The following XKR6 variants were observed in gnomAD, a reference collection of about 807,000 sequenced individuals.
XKR6 encodes the protein XK-related protein 6.
Under a neutral mutation model 56.7 loss-of-function variants are expected in XKR6, and 22 were observed. The ratio of observed to expected loss-of-function variants is 0.39; its 90% CI spans 0.28 to 0.55. The LOEUF (loss-of-function observed/expected upper bound fraction) is 0.55, where lower values mean the gene tolerates loss of function less well. Ranked by LOEUF, XKR6 falls within the 20% of genes least tolerant of loss-of-function variation. The pLI is 0.66. For missense variants in XKR6, 852 were observed against 889.0 expected (o/e 0.96, Z 0.53); for synonymous variants, 524 against 387.8 (o/e 1.35, Z -4.13).
chr8:11,115,549 CTAACAT>C (rs1460095998), intron 1 of XKR6, among the ~76,000 whole-genome samples: 2 of 152,218 alleles, frequency 1.3e-5, no homozygotes, highest in African/African-American at 4.8e-5. Context: ...ATAGTCTACA[CTAACAT>C]TATCGTTCAA....
In XKR6 at chr8:11,123,681, T is replaced by A. The variant is rs368390460; in HGVS notation, c.764+76895A>T. 3.7e-4 allele frequency: 134 copies of A among 359,478 alleles called. 2 individuals are homozygous for A. The highest frequency in any genetic ancestry group is 2.6e-3 in the African/African-American group (122 of 46,892). The allele number at this position is 359,478 out of a possible 1,614,324, so 22.3% of individuals were successfully genotyped here. On this transcript the variant is annotated intron_variant, in intron 1 of 2. Transcript: ENST00000416569. ...CAAATATATCTTTATGTATATATACTTGTCTATATTTCATATTTTTCAAGA... is the reference window on the plus strand; with the variant it reads ...CAAATATATCTTTATGTATATATACATGTCTATATTTCATATTTTTCAAGA...
chr8:10,898,563 G>A lies in XKR6; in HGVS notation c.1315C>T (p.Arg439Ter), dbSNP rs1799952173. 2.5e-6 allele frequency: 4 copies of A among 1,613,926 alleles called. No individual in the cohort carries two copies. Among genetic ancestry groups the A allele is most frequent in the Non-Finnish European group, 3.4e-6 (4 of 1,180,004 alleles). ...GTATAATATGCAAACATTCGATATCGAGTCCGCCCTTCCTTGACGTTAAAC... is the reference window on the plus strand; with the variant it reads ...GTATAATATGCAAACATTCGATATCAAGTCCGCCCTTCCTTGACGTTAAAC... ...CWFNVKEGRT[R>*]YRMFAYYTIV... is the part of the protein sequence containing the mutation. Residue 439 changes from arginine (R) to a stop codon, truncating the protein, a stop_gained, in exon 3 of 3, where the codon CGA becomes TGA. Transcript: ENST00000416569. LOFTEE classifies it high-confidence loss of function. This position sits in a 1 kb window ranked among gnomAD's most constrained non-coding sequence, Gnocchi z 6.6.
intron 1 of XKR6, among the ~76,000 whole-genome samples, chr8:10,992,262 CTG>C (rs1798010148): frequency 6.8e-6 from 1 of 147,702 alleles, no homozygotes; most frequent in African/African-American, 2.7e-5. Context: ...CTCTCTCTCT[CTG>C]TCTCTCTGTC....
In XKR6 at chr8:10,899,246, T is replaced by A. The variant is rs1223451366; in HGVS notation, c.962-330A>T. Reference sequence around the variant, plus strand: ...CCTTTGTGGGTTCCGCCTTAAGGAATCATGCGATTCTTGTGGCACACAGAT... The same window carrying A: ...CCTTTGTGGGTTCCGCCTTAAGGAAACATGCGATTCTTGTGGCACACAGAT... On this transcript the variant is annotated intron_variant, in intron 2 of 2. Transcript: ENST00000416569. Among the ~76,000 whole-genome samples, 4 of 152,192 alleles carry A rather than the reference T, an allele frequency of 2.6e-5. No individual in the cohort carries two copies. The East Asian group carries it at 7.7e-4, about 29-fold the overall frequency.
chr8:11,086,149 T>TATATATATATATATATATATA (rs1554454135), intron 1 of XKR6, among the ~76,000 whole-genome samples: 109 of 100,766 alleles, frequency 1.1e-3, no homozygotes, highest in African/African-American at 3.5e-3. Flanking sequence ...TATATATATA[T>TATATATATATATATATATATA]TTTTTTTTAA....
chr8:11,051,441 T>C (rs1426091480), intron 1 of XKR6, among the ~76,000 whole-genome samples: 2 of 152,138 alleles, frequency 1.3e-5, no homozygotes, highest in East Asian at 1.9e-4. Context: ...TCTCCAACTT[T>C]CCAAATTCAA....
At chr8:11,019,997 C>T (rs1798713960) in intron 1 of XKR6, among the ~76,000 whole-genome samples, 3 of 152,256 alleles carry the variant, frequency 2.0e-5, no homozygotes, top group South Asian at 4.1e-4. Flanking sequence ...GGGCACTCTT[C>T]CCCCAGGAAG....
At chr8:10,973,408 T>C in intron 1 of XKR6, among the ~76,000 whole-genome samples, 1 of 151,758 alleles carries the variant, frequency 6.6e-6, no homozygotes, top group South Asian at 2.1e-4. Context: ...AAGGAGAGAG[T>C]GATATTATCT....
At chr8:10,927,381 G>T (rs368971272) in intron 1 of XKR6, among the ~76,000 whole-genome samples, 4 of 152,192 alleles carry the variant, frequency 2.6e-5, no homozygotes, top group South Asian at 4.2e-4. Context: ...CTCTCAACAG[G>T]TGGCACCTGC....
At chr8:11,072,881 C>A (rs1800169404) in intron 1 of XKR6, among the ~76,000 whole-genome samples, 1 of 152,130 alleles carries the variant, frequency 6.6e-6, no homozygotes, top group African/African-American at 2.4e-5. Context: ...GAAACCCCAT[C>A]TCTACTAAAA....
At chr8:11,092,977 GTCGCCAACCCTGCT>G (rs1798127273) in intron 1 of XKR6, among the ~76,000 whole-genome samples, 1 of 152,138 alleles carries the variant, frequency 6.6e-6, no homozygotes, top group Non-Finnish European at 1.5e-5. Context: ...ACTACCCACA[GTCGCCAACCCTGCT>G]CCCCAGCTTG....
At chr8:11,119,708 G>A (rs971444620) in intron 1 of XKR6, among the ~76,000 whole-genome samples, 9 of 152,036 alleles carry the variant, frequency 5.9e-5, no homozygotes, top group South Asian at 4.2e-4. Flanking sequence ...GTCTCTGCAC[G>A]TGAGATGGGT....
chr8:11,173,366 T>TACACACAC (rs528628983), intron 1 of XKR6, among the ~76,000 whole-genome samples: 1 of 143,958 alleles, frequency 6.9e-6, no homozygotes, highest in Non-Finnish European at 1.5e-5. Context: ...TATATATATA[T>TACACACAC]ACACACACAC....
At chr8:10,919,431 T>A (rs1271335678) in intron 2 of XKR6, among the ~76,000 whole-genome samples, 1 of 152,214 alleles carries the variant, frequency 6.6e-6, no homozygotes, top group African/African-American at 2.4e-5. Context: ...AATGGGAAAT[T>A]CATGACAGCA....
chr8:10,986,145 A>G (rs916390036), intron 1 of XKR6, among the ~76,000 whole-genome samples: 1 of 152,260 alleles, frequency 6.6e-6, no homozygotes, highest in Non-Finnish European at 1.5e-5. Flanking sequence ...ACACTGGAAT[A>G]TGATAAATGA....
intron 1 of XKR6, among the ~76,000 whole-genome samples, chr8:11,060,260 C>G (rs1799796085): frequency 6.6e-6 from 1 of 152,146 alleles, no homozygotes; most frequent in Admixed American, 6.5e-5. Flanking sequence ...GGTGAGACAG[C>G]TAGTGTGGGG....
At chr8:10,997,787 C>G (rs1403375502) in intron 1 of XKR6, among the ~76,000 whole-genome samples, 1 of 152,130 alleles carries the variant, frequency 6.6e-6, no homozygotes, top group Non-Finnish European at 1.5e-5. Context: ...AAAGCTGTCT[C>G]CCATCCCTCC....
At chr8:10,975,322 A>C (rs539069563) in intron 1 of XKR6, among the ~76,000 whole-genome samples, 2 of 152,344 alleles carry the variant, frequency 1.3e-5, no homozygotes, top group East Asian at 3.9e-4. Flanking sequence ...CAAGCAAAGA[A>C]CACAGTGCAT....
intron 1 of XKR6, among the ~76,000 whole-genome samples, chr8:11,046,427 G>A (rs745802048): frequency 1.1e-4 from 16 of 151,948 alleles, no homozygotes; most frequent in Non-Finnish European, 1.6e-4. Flanking sequence ...AGGAAAGAGA[G>A]TAAAAGAAAA....
Sources: gnomAD v4.1 joint callset for allele counts (sites outside exome capture counted in the v4.1 genomes callset) on GRCh38, gnomAD v4.1.1 for gene constraint, Gnocchi (gnomAD v3.1) non-coding constraint, MANE v1.5 for transcripts, NCBI Gene and HGNC (gene_info 2026-07-23, HGNC 2026-07-21) for gene names.